Variants in LRRN4 observed in about 807,000 individuals in gnomAD.
The protein encoded by LRRN4 is leucine rich repeat neuronal 4.
A neutral mutation model predicts 22.3 loss-of-function variants in LRRN4; 26 were observed. That is an observed-to-expected ratio of 1.16 (90% CI 0.85 to 1.62). The LOEUF is 1.62. Among genes scored for constraint, LRRN4 ranks in the 40% most tolerant of loss-of-function variants. LRRN4 has a pLI of 0.00. For missense variants in LRRN4, 1,070 were observed against 1,008.5 expected (o/e 1.06, Z -0.83); for synonymous variants, 496 against 486.2 (o/e 1.02, Z -0.26).
In LRRN4 at chr20:6,041,575, G is replaced by T. The variant is rs1407541902; in HGVS notation, c.1670C>A (p.Thr557Asn). The stretch of plus-strand genomic sequence containing the variant: ...CCGCCTCTGCAGCTCCGCGCACGGG[G>T]TCTGCAGGTGCTTGCAGGGATGGTA... ...CDYHPCKHLQ[T>N]PCAELQRRWR... The change falls in exon 5 of 5, where the codon ACC becomes AAC. Residue 557 changes from threonine (T) to asparagine (N), a missense_variant. By Grantham distance (65) the Thr-to-Asn change is moderately conservative. Transcript: ENST00000378858. The surrounding 1 kb of genome is among the most constrained non-coding windows in gnomAD (Gnocchi z 9.4). 1 of 1,562,126 alleles carries T rather than the reference G, an allele frequency of 6.4e-7. No individual in the cohort carries two copies.
At chr20:6,042,271 A>T (rs1290367605) in intron 4 of LRRN4, 25 bp from the exon 5 acceptor site, 5 of 1,585,672 alleles carry the variant, frequency 3.2e-6, no homozygotes, top group Non-Finnish European at 3.4e-6. Context: ...AACCAGTTAG[A>T]AGACGTCTGG....
rs1555796279 is a variant in LRRN4, at chr20:6,041,021, G to C, written c.*1C>G. The C allele has an allele frequency of 6.2e-6, 10 of 1,613,880 alleles. No homozygotes were observed. In the South Asian group the frequency reaches 6.6e-5, roughly 11 times the overall value. Reference sequence around the variant, plus strand: ...TGAGACGCGTTATCCCAGAAGCTGGGCTAACTGACGGTCTGGAGCCCCAGC... The same window carrying C: ...TGAGACGCGTTATCCCAGAAGCTGGCCTAACTGACGGTCTGGAGCCCCAGC... On this transcript the variant is annotated 3_prime_UTR_variant, in exon 5 of 5. Coordinates refer to ENST00000378858, the MANE Select transcript of LRRN4 (RefSeq NM_152611.5). The surrounding 1 kb of genome is among the most constrained non-coding windows in gnomAD (Gnocchi z 9.4).
At position 6,044,666 on chromosome 20, in the gene LRRN4, G is replaced by A; in HGVS notation, c.875C>T (p.Ser292Phe). 1 of 1,543,566 alleles carries A rather than the reference G, an allele frequency of 6.5e-7. No individual in the cohort carries two copies. ...VLLFQNCNLS[S>F]FPPWTLDSSQ... ...GGAATCCAGGGTCCAAGGAGGGAAG[G>A]AACTCAAGTTGCAGCTGAAATACAA... The change falls in exon 4 of 5, where the codon TCC becomes TTC. Residue 292 changes from serine (S) to phenylalanine (F), a missense_variant. Coordinates refer to ENST00000378858, the MANE Select transcript of LRRN4 (RefSeq NM_152611.5).
intron 2 of LRRN4, among the ~76,000 whole-genome samples, chr20:6,051,581 A>G (rs936687565): frequency 2.0e-5 from 3 of 152,236 alleles, no homozygotes; most frequent in Non-Finnish European, 4.4e-5. Flanking sequence ...AACACCAAGA[A>G]CAGGAGACCG....
chr20:6,042,464 C>A (rs1905737786), intron 4 of LRRN4, among the ~76,000 whole-genome samples: 1 of 152,172 alleles, frequency 6.6e-6, no homozygotes, highest in African/African-American at 2.4e-5. Context: ...GGCAAAGAAG[C>A]AAACAGAAGT....
In LRRN4 at chr20:6,041,824, G is replaced by A. The variant is rs1980964356; in HGVS notation, c.1421C>T (p.Ala474Val). Reference protein sequence around the residue: ...ELVLEPDISAASTPLASKLLG... With the variant: ...ELVLEPDISAVSTPLASKLLG... The stretch of plus-strand genomic sequence containing the variant: ...GAGCTTGCTGGCCAGTGGGGTGGAG[G>A]CAGCTGAGATATCAGGCTCAAGGAC... The change falls in exon 5 of 5, where the codon GCC becomes GTC. Residue 474 changes from alanine to valine, a missense_variant. Transcript: ENST00000378858. The surrounding 1 kb of genome is among the most constrained non-coding windows in gnomAD (Gnocchi z 9.4). 1 of 1,614,192 alleles carries A rather than the reference G, an allele frequency of 6.2e-7. No individual in the cohort carries two copies. The highest frequency in any genetic ancestry group is 1.1e-5 in the South Asian group (1 of 91,088).
chr20:6,051,779 A>G (rs1002983418), intron 2 of LRRN4, among the ~76,000 whole-genome samples: 2 of 152,110 alleles, frequency 1.3e-5, no homozygotes, highest in Non-Finnish European at 2.9e-5. Context: ...TTCCACAAGC[A>G]CTTATCCAGC....
intron 3 of LRRN4, among the ~76,000 whole-genome samples, chr20:6,050,393 T>C (rs1022042745): frequency 5.3e-5 from 8 of 152,232 alleles, no homozygotes; most frequent in African/African-American, 1.7e-4. Flanking sequence ...CTTTCATCCC[T>C]AGACCCACTC....
In LRRN4 at chr20:6,041,853, C is replaced by G. The variant is rs563032841; in HGVS notation, c.1392G>C (p.Glu464Asp). 1.2e-6 allele frequency: 2 copies of G among 1,614,168 alleles called. No homozygotes were observed. The highest frequency in any genetic ancestry group is 4.5e-5 in the East Asian group (2 of 44,880). Residue 464 changes from glutamate to aspartate, a missense_variant, in exon 5 of 5, where the codon GAG becomes GAC. Glu to Asp is a conservative substitution (Grantham distance 45). Transcript: ENST00000378858. This position sits in a 1 kb window ranked among gnomAD's most constrained non-coding sequence, Gnocchi z 9.4. ...CTGAGATATCAGGCTCAAGGACAAGCTCGGGGGCATGTTCTCCTCGGTGCT... is the reference window on the plus strand; with the variant it reads ...CTGAGATATCAGGCTCAAGGACAAGGTCGGGGGCATGTTCTCCTCGGTGCT... ...RTQHRGEHAP[E>D]LVLEPDISAA...
In LRRN4 at chr20:6,049,915, A is replaced by G. The variant is rs188714939; in HGVS notation, c.860+864T>C. Reference sequence around the variant, plus strand: ...GACATCAATCAGCATCAACACCATCACCATCACTGTCATCACCATCAGCAT... The same window carrying G: ...GACATCAATCAGCATCAACACCATCGCCATCACTGTCATCACCATCAGCAT... On this transcript the variant is annotated intron_variant, in intron 3 of 4. Transcript: ENST00000378858. Among the ~76,000 whole-genome samples, 788 of 152,228 alleles carry G rather than the reference A, an allele frequency of 5.2e-3. 5 individuals are homozygous for G. Among genetic ancestry groups the G allele is most frequent in the African/African-American group, 0.018 (758 of 41,530 alleles).
chr20:6,044,133 G>A (rs895328606), intron 4 of LRRN4, among the ~76,000 whole-genome samples: 2 of 152,188 alleles, frequency 1.3e-5, no homozygotes, highest in African/African-American at 4.8e-5. Flanking sequence ...AGAGAGCTCT[G>A]TAAGCCCACG....
intron 2 of LRRN4, among the ~76,000 whole-genome samples, chr20:6,051,841 A>G (rs545764911): frequency 4.6e-5 from 7 of 152,348 alleles, no homozygotes; most frequent in Admixed American, 1.3e-4. Context: ...TGGACCCAGA[A>G]TGCCTGGGTT....
Position 6,041,188 on chromosome 20 carries a change from C to G in LRRN4, c.2057G>C (p.Gly686Ala). ...TKPSFALLLS[G>A]LCAASGLLLA... is the part of the protein sequence containing the mutation. Reference sequence around the variant, plus strand: ...CAACAGGCCGCTGGCGGCGCACAGCCCAGAGAGCAGGAGCGCGAAGCTGGG... The same window carrying G: ...CAACAGGCCGCTGGCGGCGCACAGCGCAGAGAGCAGGAGCGCGAAGCTGGG... The change falls in exon 5 of 5, where the codon GGG (glycine) becomes GCG (alanine). Residue 686 changes from glycine (G) to alanine (A), a missense_variant. Physicochemically the swap from Gly to Ala is moderately conservative, Grantham distance 60. Transcript: ENST00000378858. The surrounding 1 kb of genome is among the most constrained non-coding windows in gnomAD (Gnocchi z 9.4). 1 of 1,596,076 alleles carries G rather than the reference C, an allele frequency of 6.3e-7. No individual in the cohort carries two copies. The highest frequency in any genetic ancestry group is 8.5e-7 in the Non-Finnish European group (1 of 1,170,464).
At chr20:6,051,994 CG>C (rs1981256180) in intron 2 of LRRN4, 150 bp downstream of exon 2, 1 of 981,870 alleles carries the variant, frequency 1.0e-6, no homozygotes, top group African/African-American at 1.7e-5. Context: ...CCCGCTTGCT[CG>C]AAAAATGTAG....
Position 6,041,252 on chromosome 20 carries a change from A to AAGACC in LRRN4, c.1988_1992dup (p.Ser665GlyfsTer109). ...GCGGCGCACGGGCTCCTCCAGCCCG[A>AAGACC]AGACCGTGGCTGGCTCAAGCCCGCC... is the stretch of plus-strand genomic sequence containing the variant. On this transcript the variant is annotated frameshift_variant, in exon 5 of 5. Transcript: ENST00000378858. LOFTEE classifies it low-confidence loss of function (END_TRUNC). The surrounding 1 kb of genome is among the most constrained non-coding windows in gnomAD (Gnocchi z 9.4). 6.3e-7 allele frequency: 1 copy of AAGACC among 1,584,402 alleles called. No homozygotes were observed. Among genetic ancestry groups the AAGACC allele is most frequent in the Non-Finnish European group, 8.6e-7 (1 of 1,166,058 alleles).
At chr20:6,048,450 A>G (rs1245839828) in intron 3 of LRRN4, among the ~76,000 whole-genome samples, 1 of 152,210 alleles carries the variant, frequency 6.6e-6, no homozygotes, top group Non-Finnish European at 1.5e-5. Flanking sequence ...AGTCTGATGC[A>G]GCATTGTGTT....
rs777927705 is a variant in LRRN4, at chr20:6,042,081, G to T, written c.1164C>A (p.Thr388=). ...FNRSTYAQGT[T]VAPSAAPATR... ...TGGCGGGGGCTGCGCTGGGCGCGACGGTGGTACCCTGTGCGTAGGTGGAGC... is the reference window on the plus strand; with the variant it reads ...TGGCGGGGGCTGCGCTGGGCGCGACTGTGGTACCCTGTGCGTAGGTGGAGC... The change falls in exon 5 of 5, where the codon ACC becomes ACA. Residue 388 remains threonine (T), a synonymous_variant. Coordinates refer to ENST00000378858, the MANE Select transcript of LRRN4 (RefSeq NM_152611.5). The T allele has an allele frequency of 6.2e-7, 1 of 1,614,104 alleles. No homozygotes were observed. The highest frequency in any genetic ancestry group is 8.5e-7 in the Non-Finnish European group (1 of 1,179,976).
At chr20:6,048,569 T>C (rs1794985912) in intron 3 of LRRN4, among the ~76,000 whole-genome samples, 1 of 152,192 alleles carries the variant, frequency 6.6e-6, no homozygotes, top group Middle Eastern at 3.2e-3. Flanking sequence ...TCTCAGTTTT[T>C]TCATCTGCGA....
chr20:6,045,809 G>A (rs1286816666), intron 3 of LRRN4, among the ~76,000 whole-genome samples: 1 of 148,244 alleles, frequency 6.7e-6, no homozygotes, highest in African/African-American at 2.5e-5. Context: ...GCTGTGCTGG[G>A]ACTTCTCTCC....
Sources: gnomAD v4.1 joint callset for allele counts (sites outside exome capture counted in the v4.1 genomes callset) on GRCh38, gnomAD v4.1.1 for gene constraint, Gnocchi (gnomAD v3.1) non-coding constraint, MANE v1.5 for transcripts, NCBI Gene and HGNC (gene_info 2026-07-23, HGNC 2026-07-21) for gene names.